Variants in DENND1A observed in about 807,000 individuals in gnomAD.
DENND1A encodes DENN domain-containing protein 1A.
A neutral mutation model predicts 113.7 loss-of-function variants in DENND1A; 51 were observed. That is an observed-to-expected ratio of 0.45 (90% CI 0.36 to 0.57). The LOEUF is 0.57. Among genes scored for constraint, DENND1A ranks in the 20% least tolerant of loss-of-function variants. The pLI is 0.00. For synonymous variants in DENND1A, 565 were observed against 570.8 expected (o/e 0.99, Z 0.14); for missense variants, 1,258 against 1,395.9 (o/e 0.90, Z 1.57).
chr9:123,856,021 G>A (rs929109218), intron 2 of DENND1A, among the ~76,000 whole-genome samples: 1 of 152,094 alleles, frequency 6.6e-6, no homozygotes, highest in Non-Finnish European at 1.5e-5. Context: ...TGGGCAACAA[G>A]AGCAAAACTC....
chr9:123,811,227 C>G (rs59475889), intron 2 of DENND1A, among the ~76,000 whole-genome samples: 1 of 152,120 alleles, frequency 6.6e-6, no homozygotes, highest in East Asian at 1.9e-4. Context: ...AAAAGGGATG[C>G]AAATAGGTGC....
At chr9:123,481,298 A>G (rs2050316026) in intron 13 of DENND1A, among the ~76,000 whole-genome samples, 1 of 152,236 alleles carries the variant, frequency 6.6e-6, no homozygotes, top group African/African-American at 2.4e-5. Context: ...GGAGGTGGCA[A>G]TGGTGGGGAT....
chr9:123,830,874 A>AAAAAAAAAAAAAAAAAAAAAAAAAAAAAG (rs1840094720), intron 2 of DENND1A, among the ~76,000 whole-genome samples: 1 of 9,542 alleles, frequency 1.0e-4, no homozygotes, highest in African/African-American at 7.7e-4. Flanking sequence ...CTCAAAAATG[A>AAAAAAAAAAAAAAAAAAAAAAAAAAAAAG]AAAAAAAAAA....
Position 123,588,632 on chromosome 9 carries a change from A to ACG in DENND1A, c.766-5363_766-5362insCG, listed in dbSNP as rs1291927512. Among the ~76,000 whole-genome samples, 303 of 116,466 alleles carry ACG rather than the reference A, an allele frequency of 2.6e-3. 6 individuals carry two copies. The highest frequency in any genetic ancestry group is 7.2e-3 in the African/African-American group (216 of 30,180). 76.4% of individuals were successfully genotyped at this position (116,466 alleles called of 152,430 possible). A position where few individuals can be genotyped will look rare whatever the true frequency, so the allele number is the denominator to read the frequency against. The stretch of plus-strand genomic sequence containing the variant: ...TGAAACTCCATCTCAAAAAAAAAAA[A>ACG]AGGGGGGGGGGGAAGAGAAAAGTTT... On this transcript the variant is annotated intron_variant, in intron 11 of 23. Coordinates refer to ENST00000394215, the MANE Select transcript of DENND1A (RefSeq NM_001352964.2).
intron 9 of DENND1A, among the ~76,000 whole-genome samples, chr9:123,647,968 T>G (rs2062428539): frequency 6.6e-6 from 1 of 152,250 alleles, no homozygotes; most frequent in Admixed American, 6.5e-5. Flanking sequence ...TAAATAGTTT[T>G]GTAGCACATA....
At chr9:123,842,366 A>G (rs1310166079) in intron 2 of DENND1A, among the ~76,000 whole-genome samples, 1 of 152,240 alleles carries the variant, frequency 6.6e-6, no homozygotes, top group Non-Finnish European at 1.5e-5. Context: ...GGTGAGAAGT[A>G]AAAGAAAAAA....
intron 2 of DENND1A, among the ~76,000 whole-genome samples, chr9:123,841,492 G>A (rs1012382399): frequency 5.3e-5 from 8 of 152,120 alleles, no homozygotes; most frequent in Admixed American, 5.2e-4. Context: ...TCATACAGTG[G>A]TGAAGAAAAT....
intron 2 of DENND1A, among the ~76,000 whole-genome samples, chr9:123,822,051 C>A (rs1838564530): frequency 6.6e-6 from 1 of 152,220 alleles, no homozygotes; most frequent in African/African-American, 2.4e-5. Flanking sequence ...CAAGCTACCA[C>A]AATCATAACT....
intron 12 of DENND1A, among the ~76,000 whole-genome samples, chr9:123,576,128 GT>G: frequency 6.6e-6 from 1 of 152,178 alleles, no homozygotes; most frequent in Non-Finnish European, 1.5e-5. Flanking sequence ...CCCTTGTAAG[GT>G]TTACAACATA....
At chr9:123,757,011 C>A (rs2070620690) in intron 5 of DENND1A, among the ~76,000 whole-genome samples, 3 of 152,160 alleles carry the variant, frequency 2.0e-5, no homozygotes, top group Admixed American at 2.0e-4. Flanking sequence ...ATGGGGGATG[C>A]CTTTACTTCC....
chr9:123,855,198 T>G (rs983277466), intron 2 of DENND1A, among the ~76,000 whole-genome samples: 2 of 151,180 alleles, frequency 1.3e-5, no homozygotes, highest in African/African-American at 4.9e-5. Flanking sequence ...CTGAATACGA[T>G]TATTCTTCAA....
intron 5 of DENND1A, among the ~76,000 whole-genome samples, chr9:123,721,306 T>G (rs1452095502): frequency 6.6e-6 from 1 of 152,200 alleles, no homozygotes; most frequent in Non-Finnish European, 1.5e-5. Context: ...CCTGCCATTC[T>G]CCTCTGCTCC....
intron 1 of DENND1A, among the ~76,000 whole-genome samples, chr9:123,926,396 C>T (rs1191153658): frequency 1.3e-5 from 2 of 151,868 alleles, no homozygotes; most frequent in African/African-American, 4.8e-5. Flanking sequence ...GGGAGAAACC[C>T]GTCTCTACCA....
In DENND1A at chr9:123,420,365, C is replaced by T. The variant is rs570639202; in HGVS notation, c.1489-8536G>A. Among the ~76,000 whole-genome samples, 6 of 152,318 alleles carry T rather than the reference C, an allele frequency of 3.9e-5. No individual in the cohort carries two copies. The South Asian group carries it at 8.3e-4, about 21-fold the overall frequency. On this transcript the variant is annotated intron_variant, in intron 19 of 23. Coordinates refer to ENST00000394215, the MANE Select transcript of DENND1A (RefSeq NM_001352964.2). ...TGGGCTTCACTCTGAACGGCAGACT[C>T]CACAGTGAGGTTTCTGGGTGCCCCA...
intron 13 of DENND1A, among the ~76,000 whole-genome samples, chr9:123,506,396 A>T (rs567931487): frequency 2.6e-5 from 4 of 152,160 alleles, no homozygotes; most frequent in African/African-American, 9.6e-5. Flanking sequence ...ATCCTGGGCA[A>T]CATGGTGAAA....
intron 4 of DENND1A, among the ~76,000 whole-genome samples, chr9:123,766,422 T>G (rs188622337): frequency 9.2e-5 from 14 of 152,292 alleles, no homozygotes; most frequent in Admixed American, 9.2e-4. Context: ...GAACCTTCCT[T>G]TGCTCTTTTG....
intron 2 of DENND1A, among the ~76,000 whole-genome samples, chr9:123,801,804 A>T (rs989268215): frequency 2.6e-5 from 4 of 152,214 alleles, no homozygotes; most frequent in African/African-American, 9.6e-5. Flanking sequence ...CTGTGTCTTA[A>T]ATATAAATCC....
intron 19 of DENND1A, among the ~76,000 whole-genome samples, chr9:123,434,150 C>T (rs1305532466): frequency 1.3e-5 from 2 of 152,216 alleles, no homozygotes; most frequent in Non-Finnish European, 2.9e-5. Context: ...CCTCAGCCTC[C>T]TGAGAAGCTG....
At chr9:123,634,076 G>T (rs368382318) in intron 9 of DENND1A, among the ~76,000 whole-genome samples, 1 of 152,146 alleles carries the variant, frequency 6.6e-6, no homozygotes, top group Non-Finnish European at 1.5e-5. Context: ...CTCTTTTTAG[G>T]TTAAACTGGT....
Sources: gnomAD v4.1 joint callset for allele counts (sites outside exome capture counted in the v4.1 genomes callset) on GRCh38, gnomAD v4.1.1 for gene constraint, MANE v1.5 for transcripts, NCBI Gene and HGNC (gene_info 2026-07-23, HGNC 2026-07-21) for gene names.